The following NFATC3 variants were observed in gnomAD, a reference collection of about 807,000 sequenced individuals.
NFATC3 encodes the protein nuclear factor of activated T-cells, cytoplasmic 3.
NFATC3 carries 46 observed loss-of-function variants against 98.6 expected under a neutral mutation model. That is an observed-to-expected ratio of 0.47 (90% CI 0.37 to 0.60). The LOEUF (loss-of-function observed/expected upper bound fraction) is 0.60, where lower values mean the gene tolerates loss of function less well. Among genes scored for constraint, NFATC3 ranks in the 20% least tolerant of loss-of-function variants. The pLI is 0.00. For missense variants in NFATC3, 1,256 were observed against 1,295.5 expected (o/e 0.97, Z 0.47); for synonymous variants, 512 against 472.2 (o/e 1.08, Z -1.09).
chr16:68,098,624 A>G (rs2035174104), intron 1 of NFATC3, among the ~76,000 whole-genome samples: 1 of 152,100 alleles, frequency 6.6e-6, no homozygotes, highest in Non-Finnish European at 1.5e-5. Context: ...AGAAACTGCC[A>G]AACTGTTTTC....
At chr16:68,198,016 G>A (rs1283627319) in intron 9 of NFATC3, among the ~76,000 whole-genome samples, 1 of 152,122 alleles carries the variant, frequency 6.6e-6, no homozygotes, top group Non-Finnish European at 1.5e-5. Flanking sequence ...ATGTAACTCA[G>A]CTCAGAATTT....
At chr16:68,114,721 A>C (rs966175049) in intron 1 of NFATC3, among the ~76,000 whole-genome samples, 1 of 151,134 alleles carries the variant, frequency 6.6e-6, no homozygotes, top group Non-Finnish European at 1.5e-5. Flanking sequence ...ATTACAGGCA[A>C]GTGCCACCAC....
rs906983566 is a variant in NFATC3, at chr16:68,190,867, C to T, written c.2198C>T (p.Ser733Leu). 1.1e-5 allele frequency: 18 copies of T among 1,614,250 alleles called. No homozygotes were observed. The highest frequency in any genetic ancestry group is 1.4e-5 in the Non-Finnish European group (17 of 1,180,052). Residue 733 changes from serine to leucine, a missense_variant, in exon 9 of 10, where the codon TCA (serine) becomes TTA (leucine). Around this residue, in one of 3 missense-constraint regions of NFATC3, gnomAD observed 636 missense variants for 617.3 expected, o/e 1.03. Coordinates refer to ENST00000346183, the MANE Select transcript of NFATC3 (RefSeq NM_173165.3). ...CAGACCCAGAGGCCTTCCTCTGATT[C>T]AGGGTGTTCACATGACAGTGTACTG... ...PAQTQRPSSDSGCSHDSVLSG... is the reference protein window; with the variant it reads ...PAQTQRPSSDLGCSHDSVLSG...
intron 1 of NFATC3, among the ~76,000 whole-genome samples, chr16:68,096,788 T>A (rs2035041306): frequency 6.6e-6 from 1 of 152,128 alleles, no homozygotes. Flanking sequence ...GTCCTTTAAT[T>A]TGGAAAGTGG....
intron 3 of NFATC3, among the ~76,000 whole-genome samples, chr16:68,142,391 G>T (rs1270238270): frequency 3.9e-5 from 6 of 152,160 alleles, no homozygotes; most frequent in Non-Finnish European, 4.4e-5. Context: ...GTTGTTGTTG[G>T]TGGCGGTGTG....
chr16:68,128,396 A>G (rs1239427913), intron 3 of NFATC3, among the ~76,000 whole-genome samples: 1 of 152,014 alleles, frequency 6.6e-6, no homozygotes, highest in Admixed American at 6.6e-5. Context: ...TAAGAGTCAT[A>G]TTTTTTTGTT....
rs757045897 is a variant in NFATC3 at position 68,085,793 on chromosome 16, C to G, written c.103+9C>G. The G allele has an allele frequency of 9.0e-6, 13 of 1,452,070 alleles. No individual in the cohort carries two copies. The highest frequency in any genetic ancestry group is 1.8e-4 in the Middle Eastern group (1 of 5,660). The allele number at this position is 1,452,070 out of a possible 1,614,324, so 89.9% of individuals were successfully genotyped here. A position where few individuals can be genotyped will look rare whatever the true frequency, so the allele number is the denominator to read the frequency against. ...GGGCTCGCGGCCTGCAGGTGGGTGC[C>G]GGGCCAGGCGGGACCGTGGAGCGAC... On this transcript the variant is annotated intron_variant, in intron 1 of 9. Transcript: ENST00000346183.
intron 5 of NFATC3, among the ~76,000 whole-genome samples, chr16:68,174,019 C>G (rs1329577781): frequency 6.6e-6 from 1 of 152,012 alleles, no homozygotes; most frequent in Non-Finnish European, 1.5e-5. Flanking sequence ...TGGTGTCATG[C>G]ATCTGTAACC....
In NFATC3 at chr16:68,102,302, G is replaced by A. The variant is rs1481849912; in HGVS notation, c.103+16518G>A. On this transcript the variant is annotated intron_variant, in intron 1 of 9. Transcript: ENST00000346183. ...CAGGAGAATCGCTTGAACCCAGGAG[G>A]CAGAGGTTGCAGTGAGCCGAGATTG... Among the ~76,000 whole-genome samples the A allele has an allele frequency of 1.4e-5, 2 of 145,868 alleles. 1 individual carries two copies. The highest frequency in any genetic ancestry group is 4.4e-4 in the South Asian group (2 of 4,496).
intron 3 of NFATC3, among the ~76,000 whole-genome samples, chr16:68,128,780 T>C (rs1329839182): frequency 6.6e-6 from 1 of 151,816 alleles, no homozygotes; most frequent in Non-Finnish European, 1.5e-5. Flanking sequence ...TGGCTGTAAA[T>C]AGCCACTGCA....
rs369159188 is a variant in NFATC3 at position 68,191,748 on chromosome 16, G to C, written c.3079G>C (p.Gly1027Arg). The change falls in exon 9 of 10, where the codon GGT becomes CGT. Residue 1027 changes from glycine (G) to arginine (R), a missense_variant. Gly to Arg is a moderately radical substitution (Grantham distance 125). This residue lies in a region of NFATC3 where 636 missense variants were observed against 617.3 expected (regional missense o/e 1.03). Coordinates refer to ENST00000346183, the MANE Select transcript of NFATC3 (RefSeq NM_173165.3). ...TCGAGAGCCTAACTTTGCAACCATT[G>C]GTCTGCAGGACATCACTTTAGATGA... ...EDREPNFATI[G>R]LQDITLDDVN... is the part of the protein sequence containing the mutation. 6.2e-7 allele frequency: 1 copy of C among 1,614,040 alleles called. No individual in the cohort carries two copies. The highest frequency in any genetic ancestry group is 2.2e-5 in the East Asian group (1 of 44,874).
At chr16:68,163,899 A>G (rs1240176789) in intron 4 of NFATC3, among the ~76,000 whole-genome samples, 2 of 142,862 alleles carry the variant, frequency 1.4e-5, no homozygotes, top group East Asian at 4.2e-4. Flanking sequence ...CCGGGCAGAG[A>G]CGCTCCTCAC....
At chr16:68,153,886 T>C (rs544920914) in intron 3 of NFATC3, among the ~76,000 whole-genome samples, 22 of 152,230 alleles carry the variant, frequency 1.4e-4, no homozygotes, top group Non-Finnish European at 2.5e-4. Flanking sequence ...GTGCTTGGGA[T>C]TACAGGTGTG....
At chr16:68,107,490 G>A (rs1032456932) in intron 1 of NFATC3, among the ~76,000 whole-genome samples, 1 of 152,120 alleles carries the variant, frequency 6.6e-6, no homozygotes, top group Non-Finnish European at 1.5e-5. Context: ...TGAGGGGCCG[G>A]GGCGGGCGGA....
chr16:68,125,566 G>A (rs2036791451), intron 2 of NFATC3, among the ~76,000 whole-genome samples: 1 of 152,178 alleles, frequency 6.6e-6, no homozygotes, highest in African/African-American at 2.4e-5. Context: ...TAGGAAGGAA[G>A]TAGGGAAAGG....
intron 9 of NFATC3, among the ~76,000 whole-genome samples, chr16:68,218,761 A>T (rs1716255859): frequency 6.6e-6 from 1 of 150,760 alleles, no homozygotes; most frequent in Non-Finnish European, 1.5e-5. Context: ...TTTAATAGAG[A>T]CGGGGTTTCA....
At chr16:68,154,714 G>T (rs373614167) in intron 3 of NFATC3, among the ~76,000 whole-genome samples, 3 of 152,192 alleles carry the variant, frequency 2.0e-5, no homozygotes, top group Admixed American at 2.0e-4. Context: ...AAGTGTGAAA[G>T]CCCTGACATT....
At chr16:68,168,461 C>T (rs1351902438) in intron 5 of NFATC3, among the ~76,000 whole-genome samples, 1 of 150,142 alleles carries the variant, frequency 6.7e-6, no homozygotes. Context: ...CTGCACCCAG[C>T]TTGTATTCTT....
At chr16:68,091,245 AGTT>A (rs1490467164) in intron 1 of NFATC3, among the ~76,000 whole-genome samples, 6 of 152,204 alleles carry the variant, frequency 3.9e-5, no homozygotes, top group Non-Finnish European at 7.3e-5. Context: ...ATAGCCAAGA[AGTT>A]GTGGGGGTTA....
Sources: gnomAD v4.1 joint callset for allele counts (sites outside exome capture counted in the v4.1 genomes callset) on GRCh38, gnomAD v4.1.1 for gene constraint, gnomAD v4.1.1 regional missense constraint, MANE v1.5 for transcripts, NCBI Gene and HGNC (gene_info 2026-07-23, HGNC 2026-07-21) for gene names.